KLF12: variants seen among roughly 807,000 people sequenced by gnomAD.
KLF12 encodes Krueppel-like factor 12.
A neutral mutation model predicts 37.8 loss-of-function variants in KLF12; 9 were observed. The observed-to-expected ratio is 0.24, with a 90% CI of 0.14 to 0.42. The LOEUF is 0.42. Ranked by LOEUF, KLF12 falls within the 10% of genes least tolerant of loss-of-function variation. The probability of loss-of-function intolerance (pLI) is 1.00; values close to 1 mark genes in which losing one functional copy is unlikely to be tolerated. For missense variants in KLF12, 411 were observed against 516.0 expected, an observed-to-expected ratio of 0.80 and a Z score of 1.97; for synonymous variants, 208 against 202.1, an observed-to-expected ratio of 1.03 and a Z score of -0.25.
At chr13:74,267,694 T>A in the KLF12 span, among the ~76,000 whole-genome samples, 3 of 152,172 alleles carry the variant, frequency 2.0e-5, no homozygotes, top group African/African-American at 7.2e-5. Flanking sequence ...TTAGCAATAA[T>A]TTATTGTATA....
At chr13:74,219,598 A>C in the KLF12 span, among the ~76,000 whole-genome samples, 1 of 152,226 alleles carries the variant, frequency 6.6e-6, no homozygotes, top group Non-Finnish European at 1.5e-5. Flanking sequence ...AACACTAAAA[A>C]ATTTTTTTAG....
intron 2 of KLF12, chr13:73,960,409 A>G (rs1052269567): frequency 3.3e-6 from 1 of 300,602 alleles, no homozygotes; most frequent in Non-Finnish European, 7.6e-6. Flanking sequence ...AATAATTTTA[A>G]ATGTTATCTA....
intron 3 of KLF12, among the ~76,000 whole-genome samples, chr13:73,904,492 T>TA (rs1311283783): frequency 1.5e-5 from 2 of 134,340 alleles, no homozygotes. Context: ...TTTTTTTTTT[T>TA]ACTAATTCAG....
chr13:73,830,828 C>T (rs558229802), intron 4 of KLF12, among the ~76,000 whole-genome samples: 7 of 152,212 alleles, frequency 4.6e-5, no homozygotes, highest in East Asian at 1.9e-4. Flanking sequence ...ATCTCTGAAA[C>T]GCAGTGAACC....
At chr13:74,037,313 T>C (rs890109163) in intron 1 of KLF12, among the ~76,000 whole-genome samples, 1 of 152,102 alleles carries the variant, frequency 6.6e-6, no homozygotes, top group Non-Finnish European at 1.5e-5. Context: ...GTTTCCACCT[T>C]GCTTACATAA....
chr13:74,304,056 G>A, the KLF12 span, among the ~76,000 whole-genome samples: 1 of 152,204 alleles, frequency 6.6e-6, no homozygotes, highest in Admixed American at 6.5e-5. Context: ...AGGCTAATGA[G>A]GGTGCATAAC....
Position 73,686,735 on chromosome 13 carries a change from A to G in KLF12, c.*8755T>C, listed in dbSNP as rs1275821916. ...TTGTAAAATTACATCCATAAAGCAA[A>G]TCAGATGCAGCCCATCTATTCAATT... On this transcript the variant is annotated 3_prime_UTR_variant, in exon 8 of 8. Transcript: ENST00000377669. The G allele has an allele frequency of 2.0e-5, 3 of 152,158 alleles. No individual in the cohort carries two copies. The highest frequency in any genetic ancestry group is 7.2e-5 in the African/African-American group (3 of 41,440). 9.4% of individuals were successfully genotyped at this position (152,158 alleles called of 1,614,324 possible).
At chr13:74,248,617 C>T in the KLF12 span, among the ~76,000 whole-genome samples, 1 of 152,094 alleles carries the variant, frequency 6.6e-6, no homozygotes, top group Non-Finnish European at 1.5e-5. Flanking sequence ...TTATAGTCAG[C>T]TGTTTAAACA....
the KLF12 span, among the ~76,000 whole-genome samples, chr13:74,263,131 TTAAAG>T: frequency 6.6e-6 from 1 of 152,182 alleles, no homozygotes; most frequent in Non-Finnish European, 1.5e-5. Flanking sequence ...GAGAAAGTAT[TTAAAG>T]TAAGTAAGTT....
At chr13:74,016,546 A>G (rs1244617700) in intron 1 of KLF12, among the ~76,000 whole-genome samples, 1 of 152,130 alleles carries the variant, frequency 6.6e-6, no homozygotes, top group Non-Finnish European at 1.5e-5. Context: ...AATTTTTGGT[A>G]GAGACGAGGT....
chr13:74,125,640 C>T (rs1877899659), intron 1 of KLF12, among the ~76,000 whole-genome samples: 1 of 152,192 alleles, frequency 6.6e-6, no homozygotes, highest in Admixed American at 6.5e-5. Flanking sequence ...TGCTGCAGAA[C>T]ATCCTATAGC....
chr13:74,078,582 T>C (rs188210238), intron 1 of KLF12, among the ~76,000 whole-genome samples: 1 of 152,358 alleles, frequency 6.6e-6, no homozygotes, highest in East Asian at 1.9e-4. Context: ...TGTGTGATGA[T>C]ATAGAAATAT....
the KLF12 span, among the ~76,000 whole-genome samples, chr13:74,140,479 G>C: frequency 6.6e-6 from 1 of 152,270 alleles, no homozygotes; most frequent in Non-Finnish European, 1.5e-5. Context: ...TTAAGAACCT[G>C]TCTCTAAGGG....
At chr13:73,821,312 T>G (rs1392776641) in intron 4 of KLF12, among the ~76,000 whole-genome samples, 1 of 152,112 alleles carries the variant, frequency 6.6e-6, no homozygotes. Flanking sequence ...GAATACCAAA[T>G]CAACATTCTC....
chr13:74,229,156 G>A, the KLF12 span, among the ~76,000 whole-genome samples: 1 of 152,166 alleles, frequency 6.6e-6, no homozygotes, highest in African/African-American at 2.4e-5. Context: ...ATATAATTAT[G>A]TTGCCATTTC....
intron 1 of KLF12, among the ~76,000 whole-genome samples, chr13:74,130,801 C>G (rs1031062060): frequency 6.6e-6 from 1 of 152,108 alleles, no homozygotes; most frequent in Non-Finnish European, 1.5e-5. Flanking sequence ...TGAGTTTGTG[C>G]CATTACTAGT....
intron 3 of KLF12, among the ~76,000 whole-genome samples, chr13:73,870,012 A>C (rs187209988): frequency 3.3e-5 from 5 of 152,310 alleles, no homozygotes; most frequent in Admixed American, 2.0e-4. Flanking sequence ...ACATTCTTTG[A>C]ATCTCTCATT....
intron 5 of KLF12, among the ~76,000 whole-genome samples, chr13:73,774,482 C>G (rs1232197233): frequency 3.9e-5 from 6 of 152,236 alleles, no homozygotes; most frequent in African/African-American, 1.4e-4. Flanking sequence ...AGGGCAGATC[C>G]ATCCGTCACT....
rs372205566 is a variant in KLF12 at position 74,004,375 on chromosome 13, C to T, written c.-31-9322G>A. ...CATTAATCCTCACAACCTTGTGAAG[C>T]GGGTGGAATTATTAGTCTCATTTTA... On this transcript the variant is annotated intron_variant, in intron 1 of 7. Coordinates refer to ENST00000377669, the MANE Select transcript of KLF12 (RefSeq NM_007249.5). Among the ~76,000 whole-genome samples the T allele has an allele frequency of 2.1e-3, 317 of 152,170 alleles. 2 individuals are homozygous for T. Among genetic ancestry groups the T allele is most frequent in the African/African-American group, 7.2e-3 (300 of 41,536 alleles).
Sources: gnomAD v4.1 joint callset for allele counts (sites outside exome capture counted in the v4.1 genomes callset) on GRCh38, gnomAD v4.1.1 for gene constraint, MANE v1.5 for transcripts, NCBI Gene and HGNC (gene_info 2026-07-23, HGNC 2026-07-21) for gene names.